Variants in CHD7 observed in about 807,000 individuals in gnomAD.
CHD7 encodes the protein ATP-dependent chromatin remodeler CHD7.
A neutral mutation model predicts 307.3 loss-of-function variants in CHD7; 24 were observed. The ratio of observed to expected loss-of-function variants is 0.08; its 90% confidence interval spans 0.06 to 0.11. The LOEUF is 0.11. Among genes scored for constraint, CHD7 ranks in the 10% least tolerant of loss-of-function variants. The pLI, the probability that CHD7 is intolerant of heterozygous loss-of-function variation, is 1.00. For missense variants in CHD7, 3,106 were observed against 3,727.1 expected (o/e 0.83, Z 4.34); for synonymous variants, 1,363 against 1,349.9 (o/e 1.01, Z -0.21).
At chr8:60,750,617 G>T (rs1237685397) in intron 2 of CHD7, among the ~76,000 whole-genome samples, 1 of 152,124 alleles carries the variant, frequency 6.6e-6, no homozygotes, top group Non-Finnish European at 1.5e-5. Flanking sequence ...ACATATCCAA[G>T]ACATTTCAAC....
intron 1 of CHD7, among the ~76,000 whole-genome samples, chr8:60,704,806 C>T (rs1034800747): frequency 6.6e-6 from 1 of 152,158 alleles, no homozygotes; most frequent in Non-Finnish European, 1.5e-5. Context: ...CCACCCCTAA[C>T]CCATATGGTG....
Position 60,828,956 on chromosome 8 carries a change from C to A in CHD7, c.3522+150C>A, listed in dbSNP as rs72652506. Reference sequence around the variant, plus strand: ...TTAGATACCCTTTCCTTGGACTTTCCAGGTCATCATCATAAAGGTTTTCTT... The same window carrying A: ...TTAGATACCCTTTCCTTGGACTTTCAAGGTCATCATCATAAAGGTTTTCTT... On this transcript the variant is annotated intron_variant, in intron 14 of 37. Coordinates refer to ENST00000423902, the MANE Select transcript of CHD7 (RefSeq NM_017780.4). 7.6e-3 allele frequency: 5,232 copies of A among 690,374 alleles called. 45 individuals are homozygous for A. Among genetic ancestry groups the A allele is most frequent in the Non-Finnish European group, 0.011 (4,452 of 420,002 alleles). 42.8% of individuals were successfully genotyped at this position (690,374 alleles called of 1,614,324 possible).
chr8:60,810,280 G>A (rs1004657304), intron 7 of CHD7, among the ~76,000 whole-genome samples: 1 of 151,928 alleles, frequency 6.6e-6, no homozygotes, highest in Non-Finnish European at 1.5e-5. Flanking sequence ...TGAAGGGGGG[G>A]GCATTGAGAA....
chr8:60,828,704 T>A lies in CHD7; in HGVS notation c.3420T>A (p.Thr1140=), dbSNP rs1483621679. The change falls in exon 14 of 38, where the codon ACT becomes ACA. Residue 1140 remains threonine, a synonymous_variant. Transcript: ENST00000423902. ...VLLTGTPLQN[T]VEELFSLLHF... is the part of the protein sequence containing the mutation. ...TGACGGGAACCCCACTCCAGAACAC[T>A]GTGGAAGAACTCTTCAGCTTGCTTC... 1 of 1,613,210 alleles carries A rather than the reference T, an allele frequency of 6.2e-7. No homozygotes were observed. The highest frequency in any genetic ancestry group is 8.5e-7 in the Non-Finnish European group (1 of 1,179,600).
At chr8:60,809,574 A>C (rs1379193104) in intron 7 of CHD7, 1 of 149,912 alleles carries the variant, frequency 6.7e-6, no homozygotes, top group Non-Finnish European at 1.5e-5. Context: ...GTGACCCCAG[A>C]GATGGGCTCC....
chr8:60,794,066 G>A (rs1811899108), intron 3 of CHD7, among the ~76,000 whole-genome samples: 1 of 152,108 alleles, frequency 6.6e-6, no homozygotes, highest in Non-Finnish European at 1.5e-5. Context: ...AGGTTGCAGT[G>A]AGCCAAGATC....
At chr8:60,727,894 G>A (rs919762529) in intron 1 of CHD7, among the ~76,000 whole-genome samples, 2 of 152,184 alleles carry the variant, frequency 1.3e-5, no homozygotes, top group Admixed American at 6.5e-5. Flanking sequence ...TTCAGTGAGT[G>A]GTTTTTACCA....
chr8:60,772,691 TACTA>T (rs1810769546), intron 2 of CHD7, among the ~76,000 whole-genome samples: 1 of 152,160 alleles, frequency 6.6e-6, no homozygotes, highest in Non-Finnish European at 1.5e-5. Flanking sequence ...CCTGTATAGT[TACTA>T]AGGTGAGCCC....
chr8:60,855,410 T>G (rs1805655878), intron 32 of CHD7, among the ~76,000 whole-genome samples: 1 of 152,218 alleles, frequency 6.6e-6, no homozygotes, highest in African/African-American at 2.4e-5. Flanking sequence ...ATGTACACGC[T>G]TCAATGAAAT....
At chr8:60,845,473 C>T in intron 23 of CHD7, 64 bp downstream of exon 23, 1 of 1,529,790 alleles carries the variant, frequency 6.5e-7, no homozygotes, top group Non-Finnish European at 8.9e-7. Flanking sequence ...AAAATACATG[C>T]AGCCGGCCCT....
At chr8:60,735,425 G>A (rs939807813) in intron 1 of CHD7, among the ~76,000 whole-genome samples, 1 of 152,106 alleles carries the variant, frequency 6.6e-6, no homozygotes, top group African/African-American at 2.4e-5. Context: ...TACTATTTAT[G>A]GTTTTATTTT....
At chr8:60,828,532 A>G in intron 13 of CHD7, 131 bp from the exon 14 acceptor site, 1 of 799,790 alleles carries the variant, frequency 1.3e-6, no homozygotes, top group South Asian at 2.1e-5. Context: ...CTCTGTTTTC[A>G]TGCCTGATTC....
Position 60,742,933 on chromosome 8 carries a change from C to A in CHD7, c.1501C>A (p.His501Asn). 1 of 1,613,324 alleles carries A rather than the reference C, an allele frequency of 6.2e-7. No individual in the cohort carries two copies. The highest frequency in any genetic ancestry group is 2.2e-5 in the East Asian group (1 of 44,858). The change falls in exon 2 of 38, where the codon CAT (histidine) becomes AAT (asparagine). Residue 501 changes from histidine to asparagine, a missense_variant. Physicochemically the swap from His to Asn is moderately conservative, Grantham distance 68. This residue lies in a region of CHD7 where 998 missense variants were observed against 1,004.5 expected (regional missense o/e 0.99). Transcript: ENST00000423902. ...IQERLIPGQQ[H>N]PGQQPSFQQL... ...GGAACGACTGATACCTGGCCAACAA[C>A]ATCCTGGTCAACAGCCATCTTTTCA... is the stretch of plus-strand genomic sequence containing the variant.
At chr8:60,843,519 C>T (rs1805065462) in intron 21 of CHD7, among the ~76,000 whole-genome samples, 1 of 152,194 alleles carries the variant, frequency 6.6e-6, no homozygotes, top group Non-Finnish European at 1.5e-5. Context: ...TAGGCACTGT[C>T]TAGGATCCTC....
chr8:60,727,845 C>T lies in CHD7; in HGVS notation c.-174-13414C>T, dbSNP rs182690810. On this transcript the variant is annotated intron_variant, in intron 1 of 37. Coordinates refer to ENST00000423902, the MANE Select transcript of CHD7 (RefSeq NM_017780.4). Reference sequence around the variant, plus strand: ...TTTTTTTCTACACCTCTCTTCCATACCAAATAAATAAATCCTGCTTCTCTT... The same window carrying T: ...TTTTTTTCTACACCTCTCTTCCATATCAAATAAATAAATCCTGCTTCTCTT... Among the ~76,000 whole-genome samples the T allele has an allele frequency of 1.2e-4, 18 of 152,306 alleles. No homozygotes were observed. In the South Asian group the frequency reaches 2.5e-3, roughly 21 times the overall value.
chr8:60,820,028 C>A lies in CHD7; in HGVS notation c.2635C>A (p.Pro879Thr). 1.3e-6 allele frequency: 2 copies of A among 1,523,638 alleles called. No homozygotes were observed. The highest frequency in any genetic ancestry group is 1.2e-5 in the South Asian group (1 of 84,792). 94.4% of individuals were successfully genotyped at this position (1,523,638 alleles called of 1,614,324 possible). Residue 879 changes from proline to threonine, a missense_variant, in exon 9 of 38, where the codon CCA becomes ACA. Around this residue, in one of 10 missense-constraint regions of CHD7, gnomAD observed 188 missense variants for 261.7 expected, o/e 0.72. Coordinates refer to ENST00000423902, the MANE Select transcript of CHD7 (RefSeq NM_017780.4). ...GTAGATTGAGGATGAGCTTTTTAAT[C>A]CAGATTATGTGGAGGTTGACCGGAT... ...LSEIEDELFN[P>T]DYVEVDRIMD...
intron 1 of CHD7, among the ~76,000 whole-genome samples, chr8:60,694,610 C>T (rs988352096): frequency 2.0e-5 from 3 of 152,210 alleles, no homozygotes; most frequent in African/African-American, 7.2e-5. Flanking sequence ...CAGCCCAGAA[C>T]ATCCTGCAAG....
At chr8:60,782,239 G>A (rs566785040) in intron 3 of CHD7, among the ~76,000 whole-genome samples, 3 of 152,228 alleles carry the variant, frequency 2.0e-5, no homozygotes, top group East Asian at 1.9e-4. Context: ...TGGTTAATCC[G>A]AATCTGTTTG....
chr8:60,865,803 G>C lies in CHD7; in HGVS notation c.8864G>C (p.Gly2955Ala). Reference protein sequence around the residue: ...GPFKDGETLEGSDAEESLDKT... With the variant: ...GPFKDGETLEASDAEESLDKT... Reference sequence around the variant, plus strand: ...TTTAAAGATGGAGAGACCCTTGAAGGCAGCGATGCCGAGGAGAGCCTGGAT... The same window carrying C: ...TTTAAAGATGGAGAGACCCTTGAAGCCAGCGATGCCGAGGAGAGCCTGGAT... The change falls in exon 38 of 38, where the codon GGC becomes GCC. Residue 2955 changes from glycine (G) to alanine (A), a missense_variant. Around this residue, in one of 10 missense-constraint regions of CHD7, gnomAD observed 351 missense variants for 366.2 expected, o/e 0.96. Transcript: ENST00000423902. This position sits in a 1 kb window ranked among gnomAD's most constrained non-coding sequence, Gnocchi z 4.3. 6.2e-7 allele frequency: 1 copy of C among 1,614,020 alleles called. No homozygotes were observed. Among genetic ancestry groups the C allele is most frequent in the Non-Finnish European group, 8.5e-7 (1 of 1,179,890 alleles).
Sources: gnomAD v4.1 joint callset for allele counts (sites outside exome capture counted in the v4.1 genomes callset) on GRCh38, gnomAD v4.1.1 for gene constraint, gnomAD v4.1.1 regional missense constraint, Gnocchi (gnomAD v3.1) non-coding constraint, MANE v1.5 for transcripts, NCBI Gene and HGNC (gene_info 2026-07-23, HGNC 2026-07-21) for gene names.